The following EPHA4 variants were observed in gnomAD, a reference collection of about 807,000 sequenced individuals.
The protein encoded by EPHA4 is EPH receptor A4.
A neutral mutation model predicts 108.3 loss-of-function variants in EPHA4; 19 were observed. The observed-to-expected ratio is 0.18, with a 90% confidence interval of 0.12 to 0.26. EPHA4 has a LOEUF of 0.26. Among genes scored for constraint, EPHA4 ranks in the 10% least tolerant of loss-of-function variants. EPHA4 has a pLI of 1.00. For synonymous variants in EPHA4, 449 were observed against 455.5 expected (o/e 0.99, Z 0.18); for missense variants, 917 against 1,254.0 (o/e 0.73, Z 4.06).
At chr2:221,444,792 G>T (rs1320582038) in intron 9 of EPHA4, among the ~76,000 whole-genome samples, 2 of 118,076 alleles carry the variant, frequency 1.7e-5, no homozygotes, top group South Asian at 5.8e-4. Context: ...GAGTCTGGCT[G>T]TGTCGCTCAG....
intron 5 of EPHA4, among the ~76,000 whole-genome samples, chr2:221,471,677 T>C (rs576646092): frequency 9.2e-5 from 14 of 152,246 alleles, no homozygotes; most frequent in Non-Finnish European, 1.6e-4. Context: ...CTTTACATAA[T>C]ATAAGGGTTT....
intron 3 of EPHA4, among the ~76,000 whole-genome samples, chr2:221,523,173 G>T (rs1046577719): frequency 3.3e-5 from 5 of 152,120 alleles, no homozygotes; most frequent in African/African-American, 1.2e-4. Context: ...TGGGTAATAA[G>T]AATAGCAAGT....
chr2:221,522,222 G>A (rs1025955285), intron 3 of EPHA4, among the ~76,000 whole-genome samples: 19 of 152,170 alleles, frequency 1.2e-4, no homozygotes, highest in Non-Finnish European at 2.4e-4. Context: ...TACATTCATC[G>A]TTGAAGAACG....
chr2:221,483,331 C>T (rs1280060250), intron 4 of EPHA4, among the ~76,000 whole-genome samples: 2 of 152,060 alleles, frequency 1.3e-5, no homozygotes, highest in Non-Finnish European at 2.9e-5. Context: ...CCCTTTAACT[C>T]GTGCATTCCC....
rs577817239 is a variant in EPHA4 at position 221,557,301 on chromosome 2, A to G, written c.823+6430T>C. Among the ~76,000 whole-genome samples, 9 of 152,248 alleles carry G rather than the reference A, an allele frequency of 5.9e-5. No homozygotes were observed. In the South Asian group the frequency reaches 1.9e-3, roughly 32 times the overall value. ...AGAAGATCAAAACCAACCAAACAAA[A>G]AACTCTCTACTCTGGAACCTAAATG... On this transcript the variant is annotated intron_variant, in intron 3 of 17. Transcript: ENST00000281821.
At chr2:221,452,425 C>T (rs553451455) in intron 8 of EPHA4, among the ~76,000 whole-genome samples, 12 of 152,216 alleles carry the variant, frequency 7.9e-5, no homozygotes, top group Non-Finnish European at 1.3e-4. Flanking sequence ...GGCTTTCATC[C>T]CCACTACCTG....
At chr2:221,520,583 A>G (rs1471127685) in intron 3 of EPHA4, among the ~76,000 whole-genome samples, 1 of 152,102 alleles carries the variant, frequency 6.6e-6, no homozygotes, top group Admixed American at 6.6e-5. Context: ...AGAGAGAGAG[A>G]GAGAGAAACA....
At position 221,462,734 on chromosome 2, in the gene EPHA4, T is replaced by C. The variant is rs772279628; in HGVS notation, c.1319-4744A>G. ...TAATTATAAATGGAGTCTCTGTTTCTAAGGTCTGTGTGATGCTTCTGAACA... is the reference window on the plus strand; with the variant it reads ...TAATTATAAATGGAGTCTCTGTTTCCAAGGTCTGTGTGATGCTTCTGAACA... On this transcript the variant is annotated intron_variant, in intron 5 of 17. Transcript: ENST00000281821. Among the ~76,000 whole-genome samples the C allele has an allele frequency of 6.8e-4, 103 of 152,200 alleles. 1 individual carries two copies. Among genetic ancestry groups the C allele is most frequent in the Admixed American group, 1.6e-3 (25 of 15,274 alleles).
At chr2:221,547,248 A>G (rs1574651287) in intron 3 of EPHA4, among the ~76,000 whole-genome samples, 1 of 152,244 alleles carries the variant, frequency 6.6e-6, no homozygotes, top group Non-Finnish European at 1.5e-5. Context: ...GCTAAAAATC[A>G]CATACCCAAC....
chr2:221,439,330 C>CAAA (rs56154778), intron 11 of EPHA4, among the ~76,000 whole-genome samples: 2,667 of 129,352 alleles, frequency 0.021, 67 homozygotes, highest in African/African-American at 0.061. Context: ...GTTTTCTACT[C>CAAA]AAAAAAAAAA....
intron 1 of EPHA4, among the ~76,000 whole-genome samples, chr2:221,570,571 TC>T (rs1204338887): frequency 6.6e-6 from 1 of 152,104 alleles, no homozygotes; most frequent in African/African-American, 2.4e-5. Flanking sequence ...GCCCCTTTCC[TC>T]CCAAGCGATG....
At chr2:221,533,475 G>A (rs1274887951) in intron 3 of EPHA4, among the ~76,000 whole-genome samples, 2 of 152,008 alleles carry the variant, frequency 1.3e-5, no homozygotes, top group African/African-American at 2.4e-5. Context: ...GGAGGAAGCT[G>A]ATATGTTCCA....
chr2:221,532,314 G>T (rs1241307396), intron 3 of EPHA4, among the ~76,000 whole-genome samples: 1 of 151,908 alleles, frequency 6.6e-6, no homozygotes, highest in Non-Finnish European at 1.5e-5. Flanking sequence ...GTAGAGACGG[G>T]GTTTCACCAT....
At chr2:221,474,317 T>C (rs1276900432) in intron 5 of EPHA4, among the ~76,000 whole-genome samples, 1 of 152,068 alleles carries the variant, frequency 6.6e-6, no homozygotes, top group East Asian at 1.9e-4. Flanking sequence ...TTATTTTTAA[T>C]TACGATCATA....
intron 8 of EPHA4, among the ~76,000 whole-genome samples, chr2:221,452,186 G>A (rs1399594922): frequency 6.6e-6 from 1 of 152,210 alleles, no homozygotes; most frequent in African/African-American, 2.4e-5. Flanking sequence ...GTCAGTTCAA[G>A]GGGACCCCCA....
chr2:221,443,846 G>T (rs970269437), intron 9 of EPHA4, among the ~76,000 whole-genome samples: 4 of 152,170 alleles, frequency 2.6e-5, no homozygotes, highest in Admixed American at 2.6e-4. Context: ...TCAAGGACAA[G>T]ATTTTTAAAA....
intron 5 of EPHA4, among the ~76,000 whole-genome samples, chr2:221,459,723 A>C (rs946593765): frequency 1.3e-5 from 2 of 152,174 alleles, no homozygotes; most frequent in East Asian, 3.9e-4. Context: ...ACTCCAGGTA[A>C]TAAATATATT....
chr2:221,455,596 T>C lies in EPHA4; in HGVS notation c.1666A>G (p.Ser556Gly). Residue 556 changes from serine to glycine, a missense_variant, in exon 8 of 18, where the codon AGT (serine) becomes GGT (glycine). Ser to Gly is a moderately conservative substitution (Grantham distance 56). Around this residue, in one of 3 missense-constraint regions of EPHA4, gnomAD observed 758 missense variants for 1,076.7 expected, o/e 0.70. Coordinates refer to ENST00000281821, the MANE Select transcript of EPHA4 (RefSeq NM_004438.5). ...ATGAGAATTACCACCAGCACCACACTGCCCGAGACAGAGACCAGAAGGACT... is the reference window on the plus strand; with the variant it reads ...ATGAGAATTACCACCAGCACCACACCGCCCGAGACAGAGACCAGAAGGACT... ...STVLLVSVSG[S>G]VVLVVILIAA... is the part of the protein sequence containing the mutation. 1 of 1,613,970 alleles carries C rather than the reference T, an allele frequency of 6.2e-7. No homozygotes were observed. The highest frequency in any genetic ancestry group is 8.5e-7 in the Non-Finnish European group (1 of 1,179,912).
intron 17 of EPHA4, among the ~76,000 whole-genome samples, 196 bp from the exon 18 acceptor site, chr2:221,420,748 T>C (rs1689734782): frequency 6.6e-6 from 1 of 152,182 alleles, no homozygotes; most frequent in Non-Finnish European, 1.5e-5. Flanking sequence ...AAAACCTGTT[T>C]ACTAACAGCT....
Sources: allele counts gnomAD v4.1 joint callset (sites outside exome capture counted in the v4.1 genomes callset), GRCh38; gene constraint gnomAD v4.1.1; regional missense constraint gnomAD v4.1.1; transcripts MANE v1.5; gene names NCBI Gene and HGNC (gene_info 2026-07-23, HGNC 2026-07-21).